TIGIT: variants seen among roughly 807,000 people sequenced by gnomAD.
TIGIT encodes T cell immunoreceptor with Ig and ITIM domains, also known as T-cell immunoreceptor with Ig and ITIM domains.
Under a neutral mutation model 19.6 loss-of-function variants are expected in TIGIT, and 11 were observed. The observed-to-expected ratio is 0.56, with a 90% CI of 0.35 to 0.93. TIGIT has a LOEUF of 0.93. TIGIT is among the 40% of genes least tolerant of loss of function. The pLI is 0.01. For missense variants in TIGIT, 295 were observed against 303.9 expected (o/e 0.97, Z 0.22); for synonymous variants, 130 against 125.5 (o/e 1.04, Z -0.24).
rs1195585172 is a variant in TIGIT, at chr3:114,299,623, A to C, written c.418A>C (p.Ile140Leu). The change falls in exon 3 of 4, where the codon ATT becomes CTT. Residue 140 changes from isoleucine (I) to leucine (L), a missense_variant. Physicochemically the swap from Ile to Leu is conservative, Grantham distance 5 (BLOSUM62 2). Transcript: ENST00000383671. ...SVAEHGARFQ[I>L]PLLGAMAATL... ...GGCTGAGCACGGTGCCAGGTTCCAG[A>C]TTCCATTGCTTGGAGCCATGGCCGC... The C allele has an allele frequency of 6.2e-7, 1 of 1,613,324 alleles. No individual in the cohort carries two copies. Among genetic ancestry groups the C allele is most frequent in the Non-Finnish European group, 8.5e-7 (1 of 1,179,946 alleles).
rs2078475814 is a variant in TIGIT, at chr3:114,299,534, C to T, written c.392-63C>T. ...CCTCTCTGCCGTGAAGCTCAGGCTG[C>T]CCTGGGGAAATCAGCTTCACTTCTG... On this transcript the variant is annotated intron_variant, in intron 2 of 3. Coordinates refer to ENST00000383671, the MANE Select transcript of TIGIT (RefSeq NM_173799.4). 6.2e-6 allele frequency: 8 copies of T among 1,299,530 alleles called. No homozygotes were observed. The South Asian group carries it at 8.3e-5, about 14-fold the overall frequency. 80.5% of individuals were successfully genotyped at this position (1,299,530 alleles called of 1,614,324 possible). A position where few individuals can be genotyped will look rare whatever the true frequency, so the allele number is the denominator to read the frequency against.
At chr3:114,305,069 T>G (rs1016680359) in intron 3 of TIGIT, among the ~76,000 whole-genome samples, 1 of 152,244 alleles carries the variant, frequency 6.6e-6, no homozygotes, top group Non-Finnish European at 1.5e-5. Flanking sequence ...GATCTGAGGC[T>G]GTCATTTTCT....
At chr3:114,305,923 A>G (rs2078532225) in intron 3 of TIGIT, among the ~76,000 whole-genome samples, 1 of 150,806 alleles carries the variant, frequency 6.6e-6, no homozygotes, top group Non-Finnish European at 1.5e-5. Flanking sequence ...GGGATTTGTT[A>G]GGGGAATTTG....
In TIGIT at chr3:114,309,664, A is replaced by G. The variant is rs2078559180; in HGVS notation, c.*1533A>G. On this transcript the variant is annotated 3_prime_UTR_variant, in exon 4 of 4. Coordinates refer to ENST00000383671, the MANE Select transcript of TIGIT (RefSeq NM_173799.4). Reference sequence around the variant, plus strand: ...CCAAGTCCTTTGGAAGAAAGATTAGATGAACGTAAAAATGTTGTTGTTTGC... The same window carrying G: ...CCAAGTCCTTTGGAAGAAAGATTAGGTGAACGTAAAAATGTTGTTGTTTGC... The G allele has an allele frequency of 6.6e-6, 1 of 152,212 alleles. No homozygotes were observed. Among genetic ancestry groups the G allele is most frequent in the Admixed American group, 6.5e-5 (1 of 15,284 alleles). 9.4% of individuals were successfully genotyped at this position (152,212 alleles called of 1,614,324 possible).
chr3:114,300,473 A>C (rs1273112788), intron 3 of TIGIT, among the ~76,000 whole-genome samples: 1 of 152,116 alleles, frequency 6.6e-6, no homozygotes, highest in Non-Finnish European at 1.5e-5. Context: ...AGAGTAATGA[A>C]TGGGGAATTG....
At chr3:114,307,571 A>T in intron 3 of TIGIT, 1 of 246,188 alleles carries the variant, frequency 4.1e-6, no homozygotes, top group Non-Finnish European at 7.9e-6. Context: ...AACATTTCAG[A>T]AAGTAAGAGG....
At chr3:114,297,721 C>T (rs1009246734) in intron 2 of TIGIT, among the ~76,000 whole-genome samples, 7 of 152,284 alleles carry the variant, frequency 4.6e-5, no homozygotes, top group African/African-American at 1.4e-4. Context: ...ACCACAGTGG[C>T]ACGGCTATTT....
rs142930563 is a variant in TIGIT, at chr3:114,300,257, A to G, written c.498+554A>G. Among the ~76,000 whole-genome samples the G allele has an allele frequency of 2.3e-4, 35 of 152,252 alleles. 1 individual carries two copies. The East Asian group carries it at 5.6e-3, about 24-fold the overall frequency. On this transcript the variant is annotated intron_variant, in intron 3 of 3. Transcript: ENST00000383671. Reference sequence around the variant, plus strand: ...TTATGTGTTGGCTATCACAATAGACATAATTCCACCCACTCGGGAGACTGT... The same window carrying G: ...TTATGTGTTGGCTATCACAATAGACGTAATTCCACCCACTCGGGAGACTGT...
intron 3 of TIGIT, 53 bp downstream of exon 3, chr3:114,299,756 CG>C: frequency 1.6e-6 from 2 of 1,245,730 alleles, no homozygotes; most frequent in Non-Finnish European, 2.3e-6. Flanking sequence ...GTCTGGCACC[CG>C]GGTCCTTTCA....
chr3:114,302,338 A>T (rs2078497902), intron 3 of TIGIT, among the ~76,000 whole-genome samples: 1 of 152,230 alleles, frequency 6.6e-6, no homozygotes, highest in Admixed American at 6.5e-5. Context: ...AATGGCTGGT[A>T]TCCATTCAAG....
intron 3 of TIGIT, among the ~76,000 whole-genome samples, chr3:114,303,144 AT>A (rs1160449082): frequency 1.3e-5 from 2 of 151,734 alleles, no homozygotes; most frequent in Admixed American, 6.6e-5. Flanking sequence ...TTTTTTATAT[AT>A]TTTTTATTTC....
chr3:114,305,402 A>C (rs1390976022), intron 3 of TIGIT, among the ~76,000 whole-genome samples: 1 of 152,176 alleles, frequency 6.6e-6, no homozygotes, highest in Non-Finnish European at 1.5e-5. Flanking sequence ...CTGACATGCA[A>C]ATTTTGGTGA....
chr3:114,307,543 A>C, intron 3 of TIGIT: 1 of 223,718 alleles, frequency 4.5e-6, no homozygotes, highest in Non-Finnish European at 8.9e-6. Flanking sequence ...AGTGATGCCA[A>C]AGGATCCAGA....
intron 3 of TIGIT, among the ~76,000 whole-genome samples, chr3:114,303,943 A>G (rs2078514169): frequency 6.6e-6 from 1 of 151,806 alleles, no homozygotes; most frequent in Non-Finnish European, 1.5e-5. Flanking sequence ...TTATTTTTTG[A>G]TTAAGGCCAT....
chr3:114,308,174 A>G lies in TIGIT; in HGVS notation c.*43A>G, dbSNP rs996328395. 3.3e-6 allele frequency: 5 copies of G among 1,517,460 alleles called. No homozygotes were observed. The highest frequency in any genetic ancestry group is 4.5e-5 in the East Asian group (2 of 44,430). The allele number at this position is 1,517,460 out of a possible 1,614,324, so 94.0% of individuals were successfully genotyped here. On this transcript the variant is annotated 3_prime_UTR_variant, in exon 4 of 4. Transcript: ENST00000383671. ...TGGAAGATACACTTTTGTCTTTGCTATTATAGATGAATATATAAGCAGCTG... is the reference window on the plus strand; with the variant it reads ...TGGAAGATACACTTTTGTCTTTGCTGTTATAGATGAATATATAAGCAGCTG...
At position 114,308,990 on chromosome 3, in the gene TIGIT, C is replaced by A. The variant is rs1314503727; in HGVS notation, c.*859C>A. The A allele has an allele frequency of 1.3e-5, 2 of 152,250 alleles. No individual in the cohort carries two copies. The highest frequency in any genetic ancestry group is 2.1e-4 in the South Asian group (1 of 4,832). 9.4% of individuals were successfully genotyped at this position (152,250 alleles called of 1,614,324 possible). A position where few individuals can be genotyped will look rare whatever the true frequency, so the allele number is the denominator to read the frequency against. On this transcript the variant is annotated 3_prime_UTR_variant, in exon 4 of 4. Transcript: ENST00000383671. ...TACTCATCCATTAGACAGCCTGATACAGGCCTGTAGCCTCTTCCGGCCGTG... is the reference window on the plus strand; with the variant it reads ...TACTCATCCATTAGACAGCCTGATAAAGGCCTGTAGCCTCTTCCGGCCGTG...
intron 1 of TIGIT, chr3:114,295,196 C>T (rs2078445461): frequency 4.1e-6 from 1 of 246,142 alleles, no homozygotes; most frequent in Admixed American, 5.1e-5. Context: ...TCCCTGTGGG[C>T]GAGGTGTAAA....
intron 2 of TIGIT, among the ~76,000 whole-genome samples, chr3:114,298,963 C>T (rs2078472242): frequency 6.6e-6 from 1 of 152,210 alleles, no homozygotes; most frequent in Admixed American, 6.5e-5. Flanking sequence ...TTCTTGCTTC[C>T]ACTTACATGT....
rs781620327 is a variant in TIGIT at position 114,307,978 on chromosome 3, C to G, written c.582C>G (p.Pro194=). The part of the protein sequence containing the change: ...AGQEEWSPSA[P]SPPGSCVQAE... ...AGGAGGAATGGAGCCCCAGTGCTCC[C>G]TCACCCCCAGGAAGCTGTGTCCAGG... The change falls in exon 4 of 4, where the codon CCC becomes CCG. Residue 194 remains proline (P), a synonymous_variant. Transcript: ENST00000383671. 6.2e-7 allele frequency: 1 copy of G among 1,614,082 alleles called. No homozygotes were observed. The highest frequency in any genetic ancestry group is 8.5e-7 in the Non-Finnish European group (1 of 1,180,014).
Sources: allele counts gnomAD v4.1 joint callset (sites outside exome capture counted in the v4.1 genomes callset), GRCh38; gene constraint gnomAD v4.1.1; transcripts MANE v1.5; gene names NCBI Gene and HGNC (gene_info 2026-07-23, HGNC 2026-07-21).